YPEL2: variants seen among roughly 807,000 people sequenced by gnomAD.
YPEL2 encodes yippee like 2.
A neutral mutation model predicts 19.1 loss-of-function variants in YPEL2; 2 were observed. The observed-to-expected ratio is 0.10, with a 90% CI of 0.04 to 0.33. The LOEUF (loss-of-function observed/expected upper bound fraction) is 0.33, where lower values mean the gene tolerates loss of function less well. Ranked by LOEUF, YPEL2 falls within the 10% of genes least tolerant of loss-of-function variation. The pLI, the probability that YPEL2 is intolerant of heterozygous loss-of-function variation, is 1.00. For synonymous variants in YPEL2, 52 were observed against 50.0 expected, an observed-to-expected ratio of 1.04 and a Z score of -0.17; for missense variants, 66 against 140.7, an observed-to-expected ratio of 0.47 and a Z score of 2.68.
At chr17:59,352,410 G>T (rs900151964) in intron 1 of YPEL2, among the ~76,000 whole-genome samples, 14 of 152,210 alleles carry the variant, frequency 9.2e-5, no homozygotes, top group Non-Finnish European at 1.9e-4. Flanking sequence ...CCCAGTAAAA[G>T]AGCTGAGGCT....
intron 2 of YPEL2, among the ~76,000 whole-genome samples, chr17:59,373,581 C>T (rs1051644207): frequency 1.3e-5 from 2 of 152,190 alleles, no homozygotes; most frequent in African/African-American, 4.8e-5. Flanking sequence ...CTGCGGTGCC[C>T]AGCAAGGCTC....
At chr17:59,370,956 T>A (rs1461870375) in intron 2 of YPEL2, among the ~76,000 whole-genome samples, 1 of 152,120 alleles carries the variant, frequency 6.6e-6, no homozygotes, top group Non-Finnish European at 1.5e-5. Flanking sequence ...TGTTTTTGTT[T>A]TATTTTCCCC....
chr17:59,334,949 G>A (rs1307491461), intron 1 of YPEL2, among the ~76,000 whole-genome samples: 3 of 152,190 alleles, frequency 2.0e-5, no homozygotes, highest in Non-Finnish European at 4.4e-5. Context: ...GTTGAAGTGA[G>A]ATTCAGATGG....
chr17:59,368,370 C>T (rs887179911), intron 2 of YPEL2, among the ~76,000 whole-genome samples: 1 of 152,152 alleles, frequency 6.6e-6, no homozygotes, highest in Admixed American at 6.5e-5. Flanking sequence ...AGGCGTGAAC[C>T]GTGCACTTGC....
At chr17:59,358,274 G>T (rs919642611) in intron 2 of YPEL2, among the ~76,000 whole-genome samples, 1 of 152,122 alleles carries the variant, frequency 6.6e-6, no homozygotes, top group Non-Finnish European at 1.5e-5. Context: ...GGGTTCCATT[G>T]GGCTTACAGT....
intron 4 of YPEL2, among the ~76,000 whole-genome samples, chr17:59,394,643 G>C (rs1035804649): frequency 1.3e-5 from 2 of 151,350 alleles, no homozygotes; most frequent in African/African-American, 4.9e-5. Context: ...CATCCCAGAC[G>C]ATGGGCGGCC....
At chr17:59,359,962 C>T (rs1349544575) in intron 2 of YPEL2, among the ~76,000 whole-genome samples, 2 of 152,190 alleles carry the variant, frequency 1.3e-5, no homozygotes, top group Admixed American at 6.5e-5. Context: ...TGCAGTGGTG[C>T]GATCTCGGCT....
At chr17:59,332,412 C>T (rs1367117475) in intron 1 of YPEL2, among the ~76,000 whole-genome samples, 2 of 152,180 alleles carry the variant, frequency 1.3e-5, no homozygotes, top group African/African-American at 4.8e-5. Context: ...TCCCTGGCCG[C>T]GTCTCGGCGC....
intron 2 of YPEL2, among the ~76,000 whole-genome samples, chr17:59,387,233 T>A (rs1008824690): frequency 1.6e-5 from 2 of 126,588 alleles, no homozygotes; most frequent in African/African-American, 6.4e-5. Context: ...CACTCTGGTC[T>A]GGATGACAGA....
In YPEL2 at chr17:59,353,564, G is replaced by C; in HGVS notation, c.117+38G>C. The C allele has an allele frequency of 6.6e-7, 1 of 1,508,524 alleles. No homozygotes were observed. The highest frequency in any genetic ancestry group is 9.2e-7 in the Non-Finnish European group (1 of 1,084,280). The allele number at this position is 1,508,524 out of a possible 1,614,324, so 93.4% of individuals were successfully genotyped here. A position where few individuals can be genotyped will look rare whatever the true frequency, so the allele number is the denominator to read the frequency against. ...AGCAGGCCTTCCTTGCCTACCCCGG[G>C]GAGGGCGCTTAGTGCTCCTGAAGTT... On this transcript the variant is annotated intron_variant, in intron 2 of 4. Transcript: ENST00000312655. The surrounding 1 kb of genome is among the most constrained non-coding windows in gnomAD (Gnocchi z 4.8).
At chr17:59,358,377 T>C (rs1224783498) in intron 2 of YPEL2, among the ~76,000 whole-genome samples, 2 of 152,098 alleles carry the variant, frequency 1.3e-5, no homozygotes, top group African/African-American at 2.4e-5. Context: ...ATCCTTGTAT[T>C]GATCTAGTGG....
chr17:59,383,652 G>T (rs1252786893), intron 2 of YPEL2, among the ~76,000 whole-genome samples: 4 of 66,304 alleles, frequency 6.0e-5, no homozygotes, highest in Non-Finnish European at 8.6e-5. Context: ...ATATATATAT[G>T]GTCTAATAGT....
chr17:59,366,648 C>T (rs1429920509), intron 2 of YPEL2, among the ~76,000 whole-genome samples: 3 of 152,192 alleles, frequency 2.0e-5, no homozygotes, highest in African/African-American at 7.2e-5. Context: ...GTTTACATTC[C>T]TGACCTTCTG....
Position 59,353,248 on chromosome 17 carries a change from G to A in YPEL2, c.-162G>A. The A allele has an allele frequency of 1.7e-6, 1 of 589,114 alleles. No individual in the cohort carries two copies. Among genetic ancestry groups the A allele is most frequent in the South Asian group, 2.0e-5 (1 of 49,618 alleles). The allele number at this position is 589,114 out of a possible 1,614,324, so 36.5% of individuals were successfully genotyped here. A position where few individuals can be genotyped will look rare whatever the true frequency, so the allele number is the denominator to read the frequency against. ...GAACTAGCCCTAGACCTCTGCGTGA[G>A]GGTTCTTCTGCCGAAGACATCACCA... On this transcript the variant is annotated 5_prime_UTR_variant, in exon 2 of 5. Coordinates refer to ENST00000312655, the MANE Select transcript of YPEL2 (RefSeq NM_001005404.4). This position sits in a 1 kb window ranked among gnomAD's most constrained non-coding sequence, Gnocchi z 4.8.
At chr17:59,368,887 T>G (rs2047883417) in intron 2 of YPEL2, among the ~76,000 whole-genome samples, 2 of 152,330 alleles carry the variant, frequency 1.3e-5, no homozygotes, top group Middle Eastern at 6.8e-3. Context: ...GATTATACAA[T>G]GTTGATGTTG....
At chr17:59,396,800 G>T (rs2147962345) in intron 4 of YPEL2, among the ~76,000 whole-genome samples, 1 of 152,318 alleles carries the variant, frequency 6.6e-6, no homozygotes, top group African/African-American at 2.4e-5. Context: ...GGAGGCCAAG[G>T]TGAGTGGATC....
At chr17:59,382,160 G>A (rs979963741) in intron 2 of YPEL2, among the ~76,000 whole-genome samples, 4 of 152,208 alleles carry the variant, frequency 2.6e-5, no homozygotes, top group East Asian at 1.9e-4. Context: ...AGCTGATCCC[G>A]AGTGCCAGGC....
At chr17:59,335,648 A>C (rs1050205110) in intron 1 of YPEL2, among the ~76,000 whole-genome samples, 4 of 152,054 alleles carry the variant, frequency 2.6e-5, no homozygotes, top group African/African-American at 9.7e-5. Flanking sequence ...TCCCTGATTC[A>C]AGTGATTCTC....
At chr17:59,359,109 A>C (rs2047827869) in intron 2 of YPEL2, among the ~76,000 whole-genome samples, 1 of 151,596 alleles carries the variant, frequency 6.6e-6, no homozygotes, top group Admixed American at 6.6e-5. Context: ...TTTTTAGTAG[A>C]GACGGGATTT....
Sources: allele counts gnomAD v4.1 joint callset (sites outside exome capture counted in the v4.1 genomes callset), GRCh38; gene constraint gnomAD v4.1.1; non-coding constraint Gnocchi (gnomAD v3.1); transcripts MANE v1.5; gene names NCBI Gene and HGNC (gene_info 2026-07-23, HGNC 2026-07-21).